PRR16: variants seen among roughly 807,000 people sequenced by gnomAD.
PRR16 encodes proline rich 16, also known as protein Largen.
Under a neutral mutation model 18.2 loss-of-function variants are expected in PRR16, and 6 were observed. That is an observed-to-expected ratio of 0.33 (90% CI 0.18 to 0.65). The LOEUF (loss-of-function observed/expected upper bound fraction) is 0.65. PRR16 is among the 30% of genes least tolerant of loss of function. The pLI is 0.74. For missense variants in PRR16, 412 were observed against 376.6 expected (o/e 1.09, Z -0.78); for synonymous variants, 151 against 147.8 (o/e 1.02, Z -0.16).
the PRR16 span, among the ~76,000 whole-genome samples, chr5:120,700,256 G>T: frequency 6.6e-6 from 1 of 152,112 alleles, no homozygotes; most frequent in Admixed American, 6.5e-5. Flanking sequence ...AGAGTTTATA[G>T]GCTTTAAAAG....
At chr5:120,650,502 C>T (rs573256498) in intron 1 of PRR16, among the ~76,000 whole-genome samples, 13 of 146,676 alleles carry the variant, frequency 8.9e-5, no homozygotes, top group Non-Finnish European at 1.3e-4. Flanking sequence ...CAACAGGCCC[C>T]GGTGTGTGAT....
At chr5:120,764,161 G>A in the PRR16 span, among the ~76,000 whole-genome samples, 10 of 147,304 alleles carry the variant, frequency 6.8e-5, no homozygotes, top group African/African-American at 2.3e-4. Flanking sequence ...AAAGCTTTCA[G>A]CTTTCCCTTT....
chr5:120,763,919 CTT>C, the PRR16 span, among the ~76,000 whole-genome samples: 254 of 152,100 alleles, frequency 1.7e-3, 1 homozygote, highest in Non-Finnish European at 3.3e-3. Context: ...TATCCTGAGA[CTT>C]TACTGAATTT....
At chr5:120,519,485 A>G (rs760746536) in intron 1 of PRR16, among the ~76,000 whole-genome samples, 2 of 152,148 alleles carry the variant, frequency 1.3e-5, no homozygotes, top group South Asian at 2.1e-4. Context: ...AATTTTATAT[A>G]TAAGTAATTG....
chr5:120,647,875 G>C (rs1173511262), intron 1 of PRR16, among the ~76,000 whole-genome samples: 1 of 152,058 alleles, frequency 6.6e-6, no homozygotes, highest in Non-Finnish European at 1.5e-5. Context: ...TGTTTGGAGG[G>C]AAGAGGTATT....
the PRR16 span, among the ~76,000 whole-genome samples, chr5:120,742,654 CTTCT>C: frequency 1.8e-4 from 27 of 152,122 alleles, no homozygotes; most frequent in African/African-American, 5.1e-4. Context: ...TGCATCTAAA[CTTCT>C]TTCTATCTGT....
At chr5:120,682,677 C>T (rs1302707936) in intron 1 of PRR16, among the ~76,000 whole-genome samples, 1 of 152,168 alleles carries the variant, frequency 6.6e-6, no homozygotes, top group Admixed American at 6.5e-5. Context: ...CTCTACCTCT[C>T]ACATTCTTTA....
chr5:120,684,000 T>C (rs1432288126), intron 1 of PRR16, among the ~76,000 whole-genome samples: 1 of 151,442 alleles, frequency 6.6e-6, no homozygotes, highest in Non-Finnish European at 1.5e-5. Flanking sequence ...GTCCATACAG[T>C]AAATCATAGA....
chr5:120,732,367 A>C, the PRR16 span, among the ~76,000 whole-genome samples: 1 of 152,026 alleles, frequency 6.6e-6, no homozygotes, highest in Non-Finnish European at 1.5e-5. Context: ...AAGACGAGGG[A>C]GTGGGTATGG....
intron 1 of PRR16, among the ~76,000 whole-genome samples, chr5:120,488,303 T>A (rs1749891305): frequency 6.6e-6 from 1 of 152,204 alleles, no homozygotes; most frequent in Admixed American, 6.5e-5. Flanking sequence ...TGGTAAGCTA[T>A]TAATTATTAT....
intron 1 of PRR16, among the ~76,000 whole-genome samples, chr5:120,492,588 G>A (rs1361921257): frequency 6.6e-6 from 1 of 151,970 alleles, no homozygotes; most frequent in Non-Finnish European, 1.5e-5. Flanking sequence ...AATTTCAGTA[G>A]TTTTGGGAGT....
intron 1 of PRR16, among the ~76,000 whole-genome samples, chr5:120,619,026 A>G (rs766469662): frequency 5.3e-5 from 8 of 152,164 alleles, no homozygotes; most frequent in African/African-American, 9.6e-5. Flanking sequence ...TTGATGGTCT[A>G]TAAACAGACA....
intron 1 of PRR16, among the ~76,000 whole-genome samples, chr5:120,631,334 T>C (rs907185861): frequency 6.6e-6 from 1 of 152,006 alleles, no homozygotes; most frequent in Non-Finnish European, 1.5e-5. Flanking sequence ...GCCAAGAGAA[T>C]CAACAGACCT....
At chr5:120,561,243 A>G (rs1752565137) in intron 1 of PRR16, among the ~76,000 whole-genome samples, 1 of 151,956 alleles carries the variant, frequency 6.6e-6, no homozygotes, top group Non-Finnish European at 1.5e-5. Context: ...TTTTTGATGT[A>G]GACCTTATAG....
the PRR16 span, among the ~76,000 whole-genome samples, chr5:120,744,085 C>G: frequency 6.6e-6 from 1 of 151,956 alleles, no homozygotes; most frequent in Non-Finnish European, 1.5e-5. Flanking sequence ...AAAGCTGATA[C>G]TATGGCACTT....
At chr5:120,760,484 A>G in the PRR16 span, among the ~76,000 whole-genome samples, 2 of 152,036 alleles carry the variant, frequency 1.3e-5, no homozygotes, top group Non-Finnish European at 2.9e-5. Context: ...AAATTTTGGT[A>G]GTTATATCTA....
the PRR16 span, among the ~76,000 whole-genome samples, chr5:120,766,838 G>A: frequency 6.6e-6 from 1 of 151,886 alleles, no homozygotes; most frequent in Non-Finnish European, 1.5e-5. Flanking sequence ...TGAAAAAAAT[G>A]GGGTTAGTAT....
At chr5:120,580,380 C>T (rs1753228639) in intron 1 of PRR16, among the ~76,000 whole-genome samples, 1 of 151,572 alleles carries the variant, frequency 6.6e-6, no homozygotes, top group Non-Finnish European at 1.5e-5. Context: ...TCATAAATAG[C>T]TCTTATTATT....
intron 1 of PRR16, among the ~76,000 whole-genome samples, chr5:120,585,672 A>G (rs753391722): frequency 1.3e-4 from 19 of 150,714 alleles, no homozygotes; most frequent in Non-Finnish European, 2.4e-4. Flanking sequence ...CATCTCCCCT[A>G]GATAATGTAG....
Sources: gnomAD v4.1 joint callset for allele counts (sites outside exome capture counted in the v4.1 genomes callset) on GRCh38, gnomAD v4.1.1 for gene constraint, MANE v1.5 for transcripts, NCBI Gene and HGNC (gene_info 2026-07-23, HGNC 2026-07-21) for gene names.